The following ADHFE1 variants were observed in gnomAD, a reference collection of about 807,000 sequenced individuals.
ADHFE1 encodes the protein hydroxyacid-oxoacid transhydrogenase, mitochondrial.
A neutral mutation model predicts 54.8 loss-of-function variants in ADHFE1; 37 were observed. The ratio of observed to expected loss-of-function variants is 0.68; its 90% CI spans 0.52 to 0.89. ADHFE1 has a LOEUF of 0.89. ADHFE1 is among the 40% of genes least tolerant of loss of function. The pLI, the probability that ADHFE1 is intolerant of heterozygous loss-of-function variation, is 0.00. For synonymous variants in ADHFE1, 203 were observed against 229.3 expected, an observed-to-expected ratio of 0.89 and a Z score of 1.04; for missense variants, 601 against 591.2, an observed-to-expected ratio of 1.02 and a Z score of -0.17.
intron 7 of ADHFE1, among the ~76,000 whole-genome samples, chr8:66,448,390 A>G (rs1806137534): frequency 6.6e-6 from 1 of 152,140 alleles, no homozygotes; most frequent in Non-Finnish European, 1.5e-5. Context: ...ACAACAGCTC[A>G]ATGAGAGCTG....
chr8:66,436,107 G>A (rs1805454130), intron 1 of ADHFE1, among the ~76,000 whole-genome samples: 1 of 151,674 alleles, frequency 6.6e-6, no homozygotes, highest in African/African-American at 2.4e-5. Flanking sequence ...GTAGAGATGG[G>A]GTTTTGCCAT....
Position 66,439,304 on chromosome 8 carries a change from AG to A in ADHFE1, c.60-856del. 1.0e-6 allele frequency: 1 copy of A among 985,546 alleles called. No individual in the cohort carries two copies. The highest frequency in any genetic ancestry group is 1.2e-6 in the Non-Finnish European group (1 of 830,014). The allele number at this position is 985,546 out of a possible 1,614,324, so 61.1% of individuals were successfully genotyped here. The stretch of plus-strand genomic sequence containing the variant: ...TCTACCGAGACCCAACCACTGGACA[AG>A]GTCTTCTGGGCAACCCAACGAAACA... On this transcript the variant is annotated intron_variant, in intron 1 of 13. Coordinates refer to ENST00000396623, the MANE Select transcript of ADHFE1 (RefSeq NM_144650.3). The surrounding 1 kb of genome is among the most constrained non-coding windows in gnomAD (Gnocchi z 4.4).
At chr8:66,458,582 T>C (rs1806719923) in intron 12 of ADHFE1, among the ~76,000 whole-genome samples, 1 of 152,144 alleles carries the variant, frequency 6.6e-6, no homozygotes, top group African/African-American at 2.4e-5. Flanking sequence ...AATGGGAAAA[T>C]CTTAGAGAAC....
intron 2 of ADHFE1, 101 bp downstream of exon 2, chr8:66,440,300 G>A (rs1805682858): frequency 1.8e-6 from 2 of 1,091,368 alleles, no homozygotes; most frequent in South Asian, 1.4e-5. Context: ...AGGCATGTGA[G>A]AGCAAGGTCC....
At position 66,451,958 on chromosome 8, in the gene ADHFE1, C is replaced by A; in HGVS notation, c.740C>A (p.Ala247Asp). 6.2e-7 allele frequency: 1 copy of A among 1,613,864 alleles called. No homozygotes were observed. Among genetic ancestry groups the A allele is most frequent in the African/African-American group, 1.3e-5 (1 of 75,024 alleles). ...CTTTCAATATTTCTTTTTAGCCATG[C>A]CCTGGAGTCATACACCACCCTGCCC... ...ANSGFDVLCHALESYTTLPYH... is the reference protein window; with the variant it reads ...ANSGFDVLCHDLESYTTLPYH... The change falls in exon 9 of 14, where the codon GCC becomes GAC. Residue 247 changes from alanine to aspartate, a missense_variant. Physicochemically the swap from Ala to Asp is moderately radical, Grantham distance 126. Coordinates refer to ENST00000396623, the MANE Select transcript of ADHFE1 (RefSeq NM_144650.3).
intron 8 of ADHFE1, among the ~76,000 whole-genome samples, chr8:66,449,674 C>G (rs1315684091): frequency 2.0e-5 from 3 of 152,240 alleles, no homozygotes; most frequent in Admixed American, 2.0e-4. Flanking sequence ...GGAGACCCCA[C>G]AGGCACTTCA....
intron 1 of ADHFE1, among the ~76,000 whole-genome samples, chr8:66,438,710 G>A (rs751057421): frequency 3.9e-5 from 6 of 152,098 alleles, no homozygotes; most frequent in Non-Finnish European, 7.4e-5. Flanking sequence ...AAAGTTTCAG[G>A]CGCAAAACTC....
rs1419729048 is a variant in ADHFE1 at position 66,448,965 on chromosome 8, G to A, written c.729G>A (p.Val243=). Residue 243 remains valine (V), a synonymous_variant, in exon 8 of 14, where the codon GTG becomes GTA. Transcript: ENST00000396623. ...TGGTCGCCAACAGTGGCTTTGATGT[G>A]CTTTGGTAAGTGCTGGTGCCTCCTG... ...ARVVANSGFD[V]LCHALESYTT... is the part of the protein sequence containing the mutation. The A allele has an allele frequency of 7.4e-6, 12 of 1,614,046 alleles. No individual in the cohort carries two copies. In the East Asian group the frequency reaches 2.7e-4, roughly 36 times the overall value.
intron 8 of ADHFE1, among the ~76,000 whole-genome samples, chr8:66,450,868 A>T (rs933783670): frequency 6.6e-6 from 1 of 152,230 alleles, no homozygotes; most frequent in Non-Finnish European, 1.5e-5. Flanking sequence ...TCCATCTACA[A>T]ACTAATTTCC....
chr8:66,464,381 C>G (rs1017468912), intron 13 of ADHFE1, among the ~76,000 whole-genome samples: 2 of 152,198 alleles, frequency 1.3e-5, no homozygotes, highest in Non-Finnish European at 1.5e-5. Context: ...CTGCACCGCT[C>G]CACCAAAGAT....
intron 7 of ADHFE1, among the ~76,000 whole-genome samples, 160 bp downstream of exon 7, chr8:66,447,501 A>G (rs921792366): frequency 1.3e-5 from 2 of 152,238 alleles, no homozygotes. Flanking sequence ...AGTATTGTAT[A>G]TTTCAGAGTA....
chr8:66,460,389 A>T lies in ADHFE1; in HGVS notation c.1244A>T (p.Asp415Val), dbSNP rs1368681846. The part of the protein sequence containing the change: ...DTLRKFLFDL[D>V]VDDGLAAVGY... ...CTCCGGAAATTCTTATTCGATCTGG[A>T]TGTTGATGATGGCCTAGCAGCTGTT... The change falls in exon 13 of 14, where the codon GAT becomes GTT. Residue 415 changes from aspartate (D) to valine (V), a missense_variant. Asp to Val is a radical substitution (Grantham distance 152, BLOSUM62 -3). Transcript: ENST00000396623. 3 of 1,614,006 alleles carry T rather than the reference A, an allele frequency of 1.9e-6. No homozygotes were observed. Among genetic ancestry groups the T allele is most frequent in the Non-Finnish European group, 2.5e-6 (3 of 1,179,908 alleles).
In ADHFE1 at chr8:66,456,901, A is replaced by C; in HGVS notation, c.1065+6A>C. Reference sequence around the variant, plus strand: ...ATGTGGATCACCCACTGGTGGTAAAATCATAAGAATAAATTATTTAATTAA... The same window carrying C: ...ATGTGGATCACCCACTGGTGGTAAACTCATAAGAATAAATTATTTAATTAA... On this transcript the variant is annotated splice_donor_region_variant and intron_variant, in intron 11 of 13. Transcript: ENST00000396623. The C allele has an allele frequency of 6.6e-7, 1 of 1,511,576 alleles. No individual in the cohort carries two copies. The highest frequency in any genetic ancestry group is 8.8e-7 in the Non-Finnish European group (1 of 1,130,730). The allele number at this position is 1,511,576 out of a possible 1,614,324, so 93.6% of individuals were successfully genotyped here. A position where few individuals can be genotyped will look rare whatever the true frequency, so the allele number is the denominator to read the frequency against.
At position 66,468,292 on chromosome 8, in the gene ADHFE1, C is replaced by T. The variant is rs760206270; in HGVS notation, c.1344C>T (p.Pro448=). ...LPQERVTKLA[P]CPQSEEDLAA... Reference sequence around the variant, plus strand: ...AGGAAAGGGTCACCAAGCTTGCACCCTGTCCCCAGTCAGAAGAGGATCTGG... The same window carrying T: ...AGGAAAGGGTCACCAAGCTTGCACCTTGTCCCCAGTCAGAAGAGGATCTGG... Residue 448 remains proline (P), a synonymous_variant, in exon 14 of 14, where the codon CCC becomes CCT. Coordinates refer to ENST00000396623, the MANE Select transcript of ADHFE1 (RefSeq NM_144650.3). 1 of 1,613,208 alleles carries T rather than the reference C, an allele frequency of 6.2e-7. No homozygotes were observed. Among genetic ancestry groups the T allele is most frequent in the Admixed American group, 1.7e-5 (1 of 59,882 alleles).
intron 2 of ADHFE1, 71 bp downstream of exon 2, chr8:66,440,270 A>G: frequency 6.9e-7 from 1 of 1,457,914 alleles, no homozygotes; most frequent in Non-Finnish European, 9.5e-7. Context: ...ACATTTGGGT[A>G]GTGTATGTAA....
chr8:66,442,716 G>T, intron 2 of ADHFE1, 82 bp from the exon 3 acceptor site: 1 of 1,223,450 alleles, frequency 8.2e-7, no homozygotes, highest in Non-Finnish European at 1.2e-6. Flanking sequence ...AAATACTTAT[G>T]TTCACTGCTG....
intron 3 of ADHFE1, 85 bp downstream of exon 3, chr8:66,442,929 A>G (rs1805834981): frequency 3.5e-6 from 4 of 1,147,204 alleles, no homozygotes; most frequent in Non-Finnish European, 4.9e-6. Context: ...TTATTATTTT[A>G]TTTTAAATCT....
chr8:66,457,699 G>A (rs1399294441), intron 12 of ADHFE1, among the ~76,000 whole-genome samples: 2 of 152,028 alleles, frequency 1.3e-5, no homozygotes, highest in Admixed American at 1.3e-4. Flanking sequence ...GATTAAAAAT[G>A]TCAGTGACTT....
chr8:66,449,983 C>T (rs946827172), intron 8 of ADHFE1, among the ~76,000 whole-genome samples: 2 of 152,146 alleles, frequency 1.3e-5, no homozygotes, highest in African/African-American at 4.8e-5. Flanking sequence ...ATTAGTCAAG[C>T]ATGGTGGCAC....
Sources: allele counts gnomAD v4.1 joint callset (sites outside exome capture counted in the v4.1 genomes callset), GRCh38; gene constraint gnomAD v4.1.1; non-coding constraint Gnocchi (gnomAD v3.1); transcripts MANE v1.5; gene names NCBI Gene and HGNC (gene_info 2026-07-23, HGNC 2026-07-21).